The following FBRSL1 variants were observed in gnomAD, a reference collection of about 807,000 sequenced individuals.
The protein encoded by FBRSL1 is fibrosin-1-like protein.
FBRSL1 carries 51 observed loss-of-function variants against 89.6 expected under a neutral mutation model. The ratio of observed to expected loss-of-function variants is 0.57; its 90% CI spans 0.45 to 0.72. FBRSL1 has a LOEUF of 0.72. Ranked by LOEUF, FBRSL1 falls within the 30% of genes least tolerant of loss-of-function variation. The probability of loss-of-function intolerance (pLI) is 0.00; values close to 1 mark genes in which losing one functional copy is unlikely to be tolerated. For missense variants in FBRSL1, 1,618 were observed against 1,451.8 expected (o/e 1.11, Z -1.86); for synonymous variants, 779 against 681.1 (o/e 1.14, Z -2.24).
At chr12:132,495,373 C>T (rs1275066853) in intron 1 of FBRSL1, among the ~76,000 whole-genome samples, 2 of 152,200 alleles carry the variant, frequency 1.3e-5, no homozygotes, top group Non-Finnish European at 2.9e-5. Context: ...CTCCGGGGAC[C>T]GCTGAGGCCA....
intron 5 of FBRSL1, among the ~76,000 whole-genome samples, chr12:132,563,538 C>A (rs998945963): frequency 8.5e-5 from 13 of 152,092 alleles, no homozygotes; most frequent in Admixed American, 1.3e-4. Context: ...GCTCTTGGAT[C>A]TCCTTCCGTC....
intron 1 of FBRSL1, among the ~76,000 whole-genome samples, chr12:132,504,046 A>G (rs2033365333): frequency 6.6e-6 from 1 of 152,054 alleles, no homozygotes; most frequent in Non-Finnish European, 1.5e-5. Flanking sequence ...GCCCAGGGGA[A>G]CATGGTCATC....
At chr12:132,545,246 G>A (rs1342560202) in intron 4 of FBRSL1, among the ~76,000 whole-genome samples, 3 of 152,198 alleles carry the variant, frequency 2.0e-5, no homozygotes, top group Admixed American at 6.5e-5. Context: ...CCACACCAGG[G>A]TGACGTTCCC....
At chr12:132,572,152 C>A in intron 9 of FBRSL1, 136 bp from the exon 10 acceptor site, 1 of 726,110 alleles carries the variant, frequency 1.4e-6, no homozygotes, top group East Asian at 2.7e-5. Flanking sequence ...GAGCCTGGGA[C>A]GGCTGGCCGA....
chr12:132,542,037 G>A (rs987935677), intron 4 of FBRSL1, among the ~76,000 whole-genome samples: 2 of 152,244 alleles, frequency 1.3e-5, no homozygotes, highest in Non-Finnish European at 2.9e-5. Flanking sequence ...CCCACTCGGC[G>A]GCACGTGGCT....
chr12:132,494,129 G>C (rs981186322), intron 1 of FBRSL1, among the ~76,000 whole-genome samples: 3 of 152,180 alleles, frequency 2.0e-5, no homozygotes, highest in Non-Finnish European at 4.4e-5. Flanking sequence ...AGGAAGCCCC[G>C]CTGGCCTCTC....
At position 132,546,476 on chromosome 12, in the gene FBRSL1, G is replaced by T. The variant is rs1038620474; in HGVS notation, c.616-1527G>T. The stretch of plus-strand genomic sequence containing the variant: ...GAAGGCCAGACCGGGGGAACCCTAG[G>T]AGAGGGCTTGGCCACGGCTGAAAGG... On this transcript the variant is annotated intron_variant, in intron 4 of 18. Coordinates refer to ENST00000680143, the MANE Select transcript of FBRSL1 (RefSeq NM_001367871.1). The surrounding 1 kb of genome is among the most constrained non-coding windows in gnomAD (Gnocchi z 4.0). Among the ~76,000 whole-genome samples the T allele has an allele frequency of 6.6e-6, 1 of 152,114 alleles. No homozygotes were observed. The highest frequency in any genetic ancestry group is 6.5e-5 in the Admixed American group (1 of 15,286).
intron 4 of FBRSL1, among the ~76,000 whole-genome samples, chr12:132,543,238 C>G (rs1184165242): frequency 6.6e-6 from 1 of 152,228 alleles, no homozygotes; most frequent in African/African-American, 2.4e-5. Flanking sequence ...ACTCAGAAGC[C>G]CCATGAAGGT....
chr12:132,564,837 G>A, intron 5 of FBRSL1, among the ~76,000 whole-genome samples: 1 of 151,366 alleles, frequency 6.6e-6, no homozygotes, highest in South Asian at 2.1e-4. Flanking sequence ...CACCGTGTTG[G>A]CCAGGATGGT....
chr12:132,570,060 G>T lies in FBRSL1; in HGVS notation c.826G>T (p.Gly276Trp). The change falls in exon 7 of 19, where the codon GGG becomes TGG. Residue 276 changes from glycine (G) to tryptophan (W), a missense_variant. By Grantham distance (184) the Gly-to-Trp change is radical (BLOSUM62 -2). Coordinates refer to ENST00000680143, the MANE Select transcript of FBRSL1 (RefSeq NM_001367871.1). Reference sequence around the variant, plus strand: ...CGCGCCCCATGCCGCGCCCTGCCCGGGGCCCCCGCCCGGCTCCCGCGCCAA... The same window carrying T: ...CGCGCCCCATGCCGCGCCCTGCCCGTGGCCCCCGCCCGGCTCCCGCGCCAA... ...SPAPHAAPCP[G>W]PPPGSRANPL... 6.7e-7 allele frequency: 1 copy of T among 1,497,782 alleles called. No homozygotes were observed. The highest frequency in any genetic ancestry group is 8.8e-7 in the Non-Finnish European group (1 of 1,130,800). The allele number at this position is 1,497,782 out of a possible 1,614,324, so 92.8% of individuals were successfully genotyped here. A position where few individuals can be genotyped will look rare whatever the true frequency, so the allele number is the denominator to read the frequency against.
intron 3 of FBRSL1, among the ~76,000 whole-genome samples, chr12:132,526,046 A>G (rs1180695466): frequency 6.6e-6 from 1 of 152,258 alleles, no homozygotes; most frequent in Non-Finnish European, 1.5e-5. Context: ...TGTCTTAGCA[A>G]TGAGCATTTT....
chr12:132,536,611 TGTGTGAGTGCATTGTACATGATG>T (rs2036770895), intron 4 of FBRSL1, among the ~76,000 whole-genome samples: 1 of 151,546 alleles, frequency 6.6e-6, no homozygotes, highest in South Asian at 2.1e-4. Flanking sequence ...TGACGGTGTG[TGTGTGAGTGCATTGTACATGATG>T]GTGTGAGTGC....
At chr12:132,492,972 C>T (rs983581892) in intron 1 of FBRSL1, among the ~76,000 whole-genome samples, 1 of 152,226 alleles carries the variant, frequency 6.6e-6, no homozygotes, top group Non-Finnish European at 1.5e-5. Context: ...GTTCAGTAAG[C>T]ATTCTCTCCA....
At chr12:132,492,936 C>A (rs996437787) in intron 1 of FBRSL1, among the ~76,000 whole-genome samples, 1 of 152,208 alleles carries the variant, frequency 6.6e-6, no homozygotes, top group Non-Finnish European at 1.5e-5. Flanking sequence ...TCAGATAATT[C>A]ATAATTATAT....
chr12:132,574,061 G>T (rs967642512), intron 11 of FBRSL1, 29 bp from the exon 12 acceptor site: 17 of 1,243,226 alleles, frequency 1.4e-5, no homozygotes, highest in Non-Finnish European at 1.7e-5. Flanking sequence ...GGCCCCAGGC[G>T]CACACAAGCT....
At chr12:132,507,562 AG>A (rs1194989856) in intron 1 of FBRSL1, among the ~76,000 whole-genome samples, 1 of 152,086 alleles carries the variant, frequency 6.6e-6, no homozygotes, top group Non-Finnish European at 1.5e-5. Flanking sequence ...GCAGGTTTAC[AG>A]GGGGCCTGGG....
Position 132,574,506 on chromosome 12 carries a change from G to A in FBRSL1, c.1643G>A (p.Trp548Ter). ...YRAVVKKPGRWCAVHVQIAWQ... is the reference protein window; with the variant it reads ...YRAVVKKPGR Reference sequence around the variant, plus strand: ...ATCCTGTCGCAGAAGCCGGGGAGGTGGTGTGCCGTGCACGTGCAGATCGCC... The same window carrying A: ...ATCCTGTCGCAGAAGCCGGGGAGGTAGTGTGCCGTGCACGTGCAGATCGCC... The change falls in exon 14 of 19, where the codon TGG becomes TAG. Residue 548 changes from tryptophan (W) to a stop codon, truncating the protein, a stop_gained. Coordinates refer to ENST00000680143, the MANE Select transcript of FBRSL1 (RefSeq NM_001367871.1). LOFTEE classifies it high-confidence loss of function. 6.5e-7 allele frequency: 1 copy of A among 1,550,232 alleles called. No homozygotes were observed. The highest frequency in any genetic ancestry group is 8.7e-7 in the Non-Finnish European group (1 of 1,146,814).
intron 2 of FBRSL1, among the ~76,000 whole-genome samples, chr12:132,520,830 GGA>G (rs936600829): frequency 6.6e-4 from 100 of 152,338 alleles, no homozygotes; most frequent in African/African-American, 2.3e-3. Flanking sequence ...CGAAGGCAGC[GGA>G]GAGAGGTACC....
At position 132,574,580 on chromosome 12, in the gene FBRSL1, C is replaced by G. The variant is rs576453383; in HGVS notation, c.1701+16C>G. 7.8e-6 allele frequency: 12 copies of G among 1,547,106 alleles called. No individual in the cohort carries two copies. The African/African-American group carries it at 1.1e-4, about 14-fold the overall frequency. ...GAAGATAAAGGTGAGACCACCTGGGCTGGGGCAGGGCGCTTGTGAACCCGA... is the reference window on the plus strand; with the variant it reads ...GAAGATAAAGGTGAGACCACCTGGGGTGGGGCAGGGCGCTTGTGAACCCGA... On this transcript the variant is annotated intron_variant, in intron 14 of 18. Coordinates refer to ENST00000680143, the MANE Select transcript of FBRSL1 (RefSeq NM_001367871.1).
Sources: allele counts gnomAD v4.1 joint callset (sites outside exome capture counted in the v4.1 genomes callset), GRCh38; gene constraint gnomAD v4.1.1; non-coding constraint Gnocchi (gnomAD v3.1); transcripts MANE v1.5; gene names NCBI Gene and HGNC (gene_info 2026-07-23, HGNC 2026-07-21).